OTOF: variants seen among roughly 807,000 people sequenced by gnomAD.
The protein encoded by OTOF is otoferlin.
In OTOF, 218 loss-of-function variants were observed where a neutral mutation model predicts 236.8. That is an observed-to-expected ratio of 0.92 (90% confidence interval 0.82 to 1.03). The LOEUF (loss-of-function observed/expected upper bound fraction) is 1.03. Among genes scored for constraint, OTOF ranks in the 50% least tolerant of loss-of-function variants. The pLI is 0.00. For missense variants in OTOF, 2,590 were observed against 2,694.4 expected, an observed-to-expected ratio of 0.96 and a Z score of 0.86; for synonymous variants, 1,041 against 1,072.5, an observed-to-expected ratio of 0.97 and a Z score of 0.57.
chr2:26,518,254 T>A (rs1666584496), intron 4 of OTOF, among the ~76,000 whole-genome samples: 1 of 152,240 alleles, frequency 6.6e-6, no homozygotes, highest in Admixed American at 6.5e-5. Context: ...ATTGTGCATA[T>A]CTGTGCTAAG....
At chr2:26,509,888 C>G (rs1015391598) in intron 5 of OTOF, among the ~76,000 whole-genome samples, 2 of 152,104 alleles carry the variant, frequency 1.3e-5, no homozygotes, top group African/African-American at 4.8e-5. Flanking sequence ...CCAGCTCTGC[C>G]CCTGTTCTGA....
In OTOF at chr2:26,494,189, C is replaced by T. The variant is rs537190282; in HGVS notation, c.897+753G>A. Among the ~76,000 whole-genome samples the T allele has an allele frequency of 2.6e-5, 4 of 152,356 alleles. 1 individual carries two copies. In the East Asian group the frequency reaches 7.7e-4, roughly 29 times the overall value. ...GGGCAAGGCCCTTCCATATGGAGGC[C>T]TCAGTATCCTCCTCTGTAAGATGGG... On this transcript the variant is annotated intron_variant, in intron 9 of 46. Transcript: ENST00000272371.
chr2:26,542,160 C>T (rs1159343778), intron 1 of OTOF, among the ~76,000 whole-genome samples: 1 of 152,190 alleles, frequency 6.6e-6, no homozygotes, highest in Non-Finnish European at 1.5e-5. Context: ...TTTAAGGGGA[C>T]AAAATGTTCC....
At chr2:26,496,251 T>G (rs1430613532) in intron 8 of OTOF, among the ~76,000 whole-genome samples, 5 of 151,278 alleles carry the variant, frequency 3.3e-5, no homozygotes, top group Non-Finnish European at 7.4e-5. Context: ...TTTTTTTTTT[T>G]CACACTGAGT....
chr2:26,519,163 G>T, intron 3 of OTOF, 54 bp from the exon 4 acceptor site: 1 of 1,195,020 alleles, frequency 8.4e-7, no homozygotes. Flanking sequence ...AGGGTGAGGA[G>T]CAAGACTGAC....
intron 1 of OTOF, among the ~76,000 whole-genome samples, chr2:26,546,784 T>C: frequency 6.6e-6 from 1 of 151,564 alleles, no homozygotes; most frequent in Non-Finnish European, 1.5e-5. Flanking sequence ...GCATTTTGTG[T>C]TGTTTTGTTT....
intron 16 of OTOF, 115 bp downstream of exon 16, chr2:26,480,088 G>C (rs949015191): frequency 4.0e-6 from 3 of 749,312 alleles, no homozygotes; most frequent in Non-Finnish European, 7.3e-6. Flanking sequence ...CCCTACAAGA[G>C]TGAGGACAGG....
chr2:26,465,524 C>A, intron 38 of OTOF, 148 bp downstream of exon 38: 1 of 796,724 alleles, frequency 1.3e-6, no homozygotes, highest in Non-Finnish European at 2.1e-6. Flanking sequence ...CCCCTGAAGA[C>A]TGTGCCCAGG....
rs1666022971 is a variant in OTOF at position 26,497,698 on chromosome 2, AG to A, written c.766-2626del. Among the ~76,000 whole-genome samples, 7 of 152,242 alleles carry A rather than the reference AG, an allele frequency of 4.6e-5. No homozygotes were observed. In the South Asian group the frequency reaches 1.4e-3, roughly 31 times the overall value. Reference sequence around the variant, plus strand: ...TTACAAATGAAGTGACACTTGAACTAGGAAGCAAACATTTCCGTTTGGAACG... The same window carrying A: ...TTACAAATGAAGTGACACTTGAACTAGAAGCAAACATTTCCGTTTGGAACG... On this transcript the variant is annotated intron_variant, in intron 8 of 46. Transcript: ENST00000272371.
intron 30 of OTOF, chr2:26,472,219 C>T (rs2148039078): frequency 2.2e-6 from 1 of 448,310 alleles, no homozygotes; most frequent in South Asian, 2.0e-5. Flanking sequence ...GCACACCACA[C>T]ATACGCATGC....
At chr2:26,556,736 C>T (rs76189853) in intron 1 of OTOF, among the ~76,000 whole-genome samples, 6 of 152,126 alleles carry the variant, frequency 3.9e-5, no homozygotes, top group East Asian at 1.9e-4. Context: ...TCAGCTCCTC[C>T]GTGAATGCCA....
At chr2:26,478,915 T>C (rs888819705) in intron 18 of OTOF, among the ~76,000 whole-genome samples, 2 of 152,206 alleles carry the variant, frequency 1.3e-5, no homozygotes, top group African/African-American at 4.8e-5. Flanking sequence ...GCCAGGATGG[T>C]CTCGAACTCC....
At chr2:26,484,322 C>T in intron 12 of OTOF, 152 bp downstream of exon 12, 1 of 809,992 alleles carries the variant, frequency 1.2e-6, no homozygotes. Flanking sequence ...TGCCCCTGCC[C>T]TGCCTCGGAA....
chr2:26,462,178 G>A lies in OTOF; in HGVS notation c.5196C>T (p.Tyr1732=), dbSNP rs138681366. Residue 1732 remains tyrosine (Y), a synonymous_variant, in exon 42 of 47, where the codon TAC becomes TAT. Coordinates refer to ENST00000272371, the MANE Select transcript of OTOF (RefSeq NM_194248.3). The surrounding 1 kb of genome is among the most constrained non-coding windows in gnomAD (Gnocchi z 4.7). ...LDISPRKPKK[Y]ELRVIIWNTD... is the part of the protein sequence containing the mutation. ...TGTTCCAGATGATGACCCGCAGCTC[G>A]TACCTGGGCCCAGGGAGAGAAGGCT... The A allele has an allele frequency of 3.4e-5, 55 of 1,613,696 alleles. No homozygotes were observed. In the African/African-American group the frequency reaches 6.1e-4, roughly 18 times the overall value.
At chr2:26,507,695 T>C (rs151047207) in intron 5 of OTOF, among the ~76,000 whole-genome samples, 47 of 152,298 alleles carry the variant, frequency 3.1e-4, no homozygotes, top group South Asian at 6.2e-4. Context: ...TCCTTATTCT[T>C]GGGCGTATTA....
chr2:26,471,866 C>T (rs1234065532), intron 30 of OTOF, among the ~76,000 whole-genome samples: 1 of 151,794 alleles, frequency 6.6e-6, no homozygotes, highest in Non-Finnish European at 1.5e-5. Context: ...CACACATGCA[C>T]ATATGCACAC....
intron 12 of OTOF, 31 bp downstream of exon 12, chr2:26,484,443 G>A (rs1439570062): frequency 3.1e-6 from 5 of 1,613,168 alleles, no homozygotes; most frequent in Non-Finnish European, 2.5e-6. Flanking sequence ...GGCTGGCTCA[G>A]ACTCCAGGGG....
chr2:26,531,554 C>A (rs1012674804), intron 2 of OTOF, among the ~76,000 whole-genome samples: 1 of 152,168 alleles, frequency 6.6e-6, no homozygotes, highest in African/African-American at 2.4e-5. Flanking sequence ...CTTGTCATGC[C>A]ACCTCCCTCC....
At chr2:26,490,047 G>A (rs1274135715) in intron 9 of OTOF, among the ~76,000 whole-genome samples, 3 of 152,184 alleles carry the variant, frequency 2.0e-5, no homozygotes, top group Non-Finnish European at 4.4e-5. Flanking sequence ...ACAGGGCCAG[G>A]GAGCAAGCAG....
Sources: allele counts gnomAD v4.1 joint callset (sites outside exome capture counted in the v4.1 genomes callset), GRCh38; gene constraint gnomAD v4.1.1; non-coding constraint Gnocchi (gnomAD v3.1); transcripts MANE v1.5; gene names NCBI Gene and HGNC (gene_info 2026-07-23, HGNC 2026-07-21).